Variants in TOGARAM2 observed in about 807,000 individuals in gnomAD.
The protein encoded by TOGARAM2 is TOG array regulator of axonemal microtubules 2.
In TOGARAM2, 85 loss-of-function variants were observed where a neutral mutation model predicts 93.3. That is an observed-to-expected ratio of 0.91 (90% CI 0.76 to 1.09). TOGARAM2 has a LOEUF of 1.09. Among genes scored for constraint, TOGARAM2 ranks in the 50% least tolerant of loss-of-function variants. The pLI, the probability that TOGARAM2 is intolerant of heterozygous loss-of-function variation, is 0.00. For synonymous variants in TOGARAM2, 593 were observed against 552.8 expected, an observed-to-expected ratio of 1.07 and a Z score of -1.02; for missense variants, 1,277 against 1,334.5, an observed-to-expected ratio of 0.96 and a Z score of 0.67.
intron 1 of TOGARAM2, among the ~76,000 whole-genome samples, chr2:28,988,927 C>T (rs1230978509): frequency 2.0e-5 from 3 of 152,244 alleles, no homozygotes; most frequent in Non-Finnish European, 2.9e-5. Context: ...GCCAACTCCC[C>T]TGGCCTCCCT....
At chr2:29,020,587 C>T (rs1374074016) in intron 10 of TOGARAM2, among the ~76,000 whole-genome samples, 2 of 152,194 alleles carry the variant, frequency 1.3e-5, no homozygotes, top group Admixed American at 6.5e-5. Context: ...AGGCTGGAAT[C>T]CCCCTGCCAG....
chr2:29,011,900 T>TGG (rs1474132829), intron 7 of TOGARAM2, among the ~76,000 whole-genome samples: 2 of 152,186 alleles, frequency 1.3e-5, no homozygotes, highest in Non-Finnish European at 2.9e-5. Context: ...GCTCCAAAGC[T>TGG]GGGGTCTTGA....
At chr2:28,985,772 A>G (rs1672437249) in intron 1 of TOGARAM2, among the ~76,000 whole-genome samples, 1 of 152,210 alleles carries the variant, frequency 6.6e-6, no homozygotes, top group South Asian at 2.1e-4. Flanking sequence ...AAATGAATGT[A>G]CAAATATGTA....
At chr2:29,036,359 T>A (rs545633747) in intron 17 of TOGARAM2, among the ~76,000 whole-genome samples, 182 bp from the exon 18 acceptor site, 3 of 152,298 alleles carry the variant, frequency 2.0e-5, no homozygotes, top group African/African-American at 7.2e-5. Flanking sequence ...GTTCCTCCCC[T>A]CTTCCCACCC....
intron 18 of TOGARAM2, among the ~76,000 whole-genome samples, chr2:29,041,025 CTTT>C (rs59787454): frequency 2.9e-5 from 4 of 137,118 alleles, no homozygotes; most frequent in Admixed American, 7.3e-5. Flanking sequence ...TCTTGAGTCA[CTTT>C]TTTTTTTTTT....
chr2:29,022,063 C>A, intron 10 of TOGARAM2, 95 bp from the exon 11 acceptor site: 1 of 1,534,520 alleles, frequency 6.5e-7, no homozygotes. Context: ...AGGGTGGTGG[C>A]ACGGCCTCCC....
chr2:28,989,128 C>G (rs959987652), intron 1 of TOGARAM2, among the ~76,000 whole-genome samples: 28 of 152,336 alleles, frequency 1.8e-4, no homozygotes, highest in African/African-American at 6.7e-4. Context: ...CAGCTCACTG[C>G]AACCTCTGCC....
intron 1 of TOGARAM2, among the ~76,000 whole-genome samples, chr2:28,964,284 C>A (rs536201012): frequency 1.8e-4 from 27 of 152,226 alleles, no homozygotes; most frequent in African/African-American, 6.5e-4. Flanking sequence ...ACCCTTTTGA[C>A]ATTATGAAAT....
In TOGARAM2 at chr2:29,024,295, G is replaced by A; in HGVS notation, c.1774G>A (p.Ala592Thr). The change falls in exon 13 of 20, where the codon GCC (alanine) becomes ACC (threonine). Residue 592 changes from alanine to threonine, a missense_variant. Transcript: ENST00000379558. ...ADTNEFIQRA[A>T]GQSLRAMVEN... ...CACCAACGAGTTCATCCAGAGAGCA[G>A]CCGGCCAGTCTCTGAGGGCTATGGT... 2 of 1,613,542 alleles carry A rather than the reference G, an allele frequency of 1.2e-6. No individual in the cohort carries two copies. Among genetic ancestry groups the A allele is most frequent in the South Asian group, 1.1e-5 (1 of 90,898 alleles).
chr2:28,968,331 T>A (rs1375505315), intron 1 of TOGARAM2, among the ~76,000 whole-genome samples: 1 of 152,164 alleles, frequency 6.6e-6, no homozygotes, highest in Non-Finnish European at 1.5e-5. Context: ...ACACAGCAAA[T>A]TCTACATTTG....
chr2:28,968,033 G>A lies in TOGARAM2; in HGVS notation c.-147+11336G>A, dbSNP rs1232385753. 2.6e-5 allele frequency among the ~76,000 whole-genome samples: 4 copies of A among 152,074 alleles called. No individual in the cohort carries two copies. In the East Asian group the frequency reaches 7.8e-4, roughly 29 times the overall value. Reference sequence around the variant, plus strand: ...AGGGTTTTGTCATGTTGGCCAGGCTGGTCTTGAACTCCTGACGTCAGGTGA... The same window carrying A: ...AGGGTTTTGTCATGTTGGCCAGGCTAGTCTTGAACTCCTGACGTCAGGTGA... On this transcript the variant is annotated intron_variant, in intron 1 of 6. Transcript: ENST00000401723.
rs780712526 is a variant in TOGARAM2, at chr2:29,035,545, G to C, written c.2307G>C (p.Glu769Asp). The change falls in exon 17 of 20, where the codon GAG becomes GAC. Residue 769 changes from glutamate (E) to aspartate (D), a missense_variant. By Grantham distance (45) the Glu-to-Asp change is conservative (BLOSUM62 2). Transcript: ENST00000379558. ...GGGAGATGGTGGAGCAGCTACGGGA[G>C]CTGACACGGCTGCTGGAGGCCAAGG... ...GRGEMVEQLR[E>D]LTRLLEAKDF... The C allele has an allele frequency of 6.3e-7, 1 of 1,580,632 alleles. No individual in the cohort carries two copies. The highest frequency in any genetic ancestry group is 8.6e-7 in the Non-Finnish European group (1 of 1,163,438).
At chr2:28,961,566 C>G (rs1178463710) in intron 1 of TOGARAM2, among the ~76,000 whole-genome samples, 1 of 152,180 alleles carries the variant, frequency 6.6e-6, no homozygotes, top group Non-Finnish European at 1.5e-5. Context: ...GTCTCGAACT[C>G]CTGATCTCAA....
At chr2:28,963,814 C>G (rs544313608) in intron 1 of TOGARAM2, among the ~76,000 whole-genome samples, 1 of 152,298 alleles carries the variant, frequency 6.6e-6, no homozygotes, top group Admixed American at 6.5e-5. Context: ...TCAAGACCAG[C>G]CTGGCCAACA....
At chr2:28,982,492 A>T (rs1221463171) in intron 1 of TOGARAM2, among the ~76,000 whole-genome samples, 5 of 151,912 alleles carry the variant, frequency 3.3e-5, no homozygotes, top group Non-Finnish European at 7.4e-5. Flanking sequence ...CGCTCTTCTC[A>T]CCAATGCCCT....
rs1417066864 is a variant in TOGARAM2 at position 29,011,889 on chromosome 2, G to A, written c.877+388G>A. On this transcript the variant is annotated intron_variant, in intron 7 of 19. Coordinates refer to ENST00000379558, the MANE Select transcript of TOGARAM2 (RefSeq NM_199280.4). ...ATCAGGCTTGCAGCCAAGTTTCCAC[G>A]GCTCCAAAGCTGGGGTCTTGACACA... Among the ~76,000 whole-genome samples the A allele has an allele frequency of 3.3e-5, 5 of 152,228 alleles. No homozygotes were observed. In the East Asian group the frequency reaches 7.7e-4, roughly 23 times the overall value.
At chr2:28,970,044 C>T (rs1213155779) in intron 1 of TOGARAM2, among the ~76,000 whole-genome samples, 1 of 152,172 alleles carries the variant, frequency 6.6e-6, no homozygotes, top group African/African-American at 2.4e-5. Flanking sequence ...AACTCTTGAC[C>T]TCGTGATCCG....
intron 2 of TOGARAM2, among the ~76,000 whole-genome samples, chr2:28,996,071 G>A (rs1018270266): frequency 3.9e-5 from 6 of 152,230 alleles, no homozygotes; most frequent in African/African-American, 1.4e-4. Context: ...TGTGCCTGGG[G>A]CTGTGGGAAC....
At chr2:28,959,473 G>C (rs1671770769) in intron 1 of TOGARAM2, among the ~76,000 whole-genome samples, 1 of 152,174 alleles carries the variant, frequency 6.6e-6, no homozygotes, top group South Asian at 2.1e-4. Context: ...AATAGTATAG[G>C]CCGGGTGCGG....
Sources: gnomAD v4.1 joint callset for allele counts (sites outside exome capture counted in the v4.1 genomes callset) on GRCh38, gnomAD v4.1.1 for gene constraint, MANE v1.5 for transcripts, NCBI Gene and HGNC (gene_info 2026-07-23, HGNC 2026-07-21) for gene names.